Variants in OCA2 observed in about 807,000 individuals in gnomAD.
OCA2 encodes the protein OCA2 melanosomal transmembrane protein.
In OCA2, 77 loss-of-function variants were observed where a neutral mutation model predicts 100.2. The observed-to-expected ratio is 0.77, with a 90% CI of 0.64 to 0.93. The LOEUF (loss-of-function observed/expected upper bound fraction) is 0.93, where lower values mean the gene tolerates loss of function less well. Ranked by LOEUF, OCA2 falls within the 40% of genes least tolerant of loss-of-function variation. The pLI, the probability that OCA2 is intolerant of heterozygous loss-of-function variation, is 0.00. For missense variants in OCA2, 1,062 were observed against 1,089.1 expected (o/e 0.98, Z 0.35); for synonymous variants, 432 against 439.2 (o/e 0.98, Z 0.21).
chr15:28,079,293 A>G (rs1330777665), intron 2 of OCA2, among the ~76,000 whole-genome samples: 1 of 128,688 alleles, frequency 7.8e-6, no homozygotes, highest in Non-Finnish European at 1.5e-5. Flanking sequence ...CTCTGATAAG[A>G]TTACTGTTTT....
At chr15:28,090,011 A>G (rs971868322) in intron 1 of OCA2, among the ~76,000 whole-genome samples, 1 of 152,260 alleles carries the variant, frequency 6.6e-6, no homozygotes, top group African/African-American at 2.4e-5. Flanking sequence ...AAAAAGATAT[A>G]TCATTCAAGC....
intron 23 of OCA2, among the ~76,000 whole-genome samples, chr15:27,756,077 G>A (rs938899028): frequency 6.6e-6 from 1 of 152,234 alleles, no homozygotes; most frequent in Non-Finnish European, 1.5e-5. Context: ...CTCATTGTGT[G>A]CCTCCTCCAA....
chr15:27,947,562 C>G (rs930643), intron 18 of OCA2, among the ~76,000 whole-genome samples: 15,772 of 152,276 alleles, frequency 0.1, 1,140 homozygotes, highest in African/African-American at 0.19. Context: ...GCCCTGGAGC[C>G]CATGCCCCTG....
chr15:28,018,298 G>A lies in OCA2; in HGVS notation c.807+99C>T, dbSNP rs1056213536. ...TGAATTGACTAAGAATGGTGTCCTC[G>A]CCTGTGGCTCCCCATCAAATCCATT... On this transcript the variant is annotated intron_variant, in intron 7 of 23. Transcript: ENST00000354638. 9 of 1,148,330 alleles carry A rather than the reference G, an allele frequency of 7.8e-6. No homozygotes were observed. In the East Asian group the frequency reaches 1.4e-4, roughly 18 times the overall value. The allele number at this position is 1,148,330 out of a possible 1,614,324, so 71.1% of individuals were successfully genotyped here.
chr15:27,784,113 C>T (rs775120611), intron 23 of OCA2, among the ~76,000 whole-genome samples: 3 of 152,152 alleles, frequency 2.0e-5, no homozygotes, highest in African/African-American at 2.4e-5. Context: ...AAGTGTCCAG[C>T]GACAAGTAAC....
intron 2 of OCA2, among the ~76,000 whole-genome samples, chr15:28,067,516 AT>A (rs1263613887): frequency 6.6e-6 from 1 of 152,048 alleles, no homozygotes; most frequent in Non-Finnish European, 1.5e-5. Flanking sequence ...TATCTCAGAG[AT>A]TTTTGAAGAT....
At chr15:27,849,311 G>C (rs1019403010) in intron 22 of OCA2, among the ~76,000 whole-genome samples, 1 of 152,204 alleles carries the variant, frequency 6.6e-6, no homozygotes, top group Non-Finnish European at 1.5e-5. Context: ...ACAGCCTCTA[G>C]ATAACTGCAG....
At chr15:27,995,333 G>C (rs1456269976) in intron 9 of OCA2, among the ~76,000 whole-genome samples, 4 of 152,120 alleles carry the variant, frequency 2.6e-5, no homozygotes, top group Admixed American at 2.0e-4. Flanking sequence ...ACACAAAAAA[G>C]TCTTCAGGAT....
intron 23 of OCA2, among the ~76,000 whole-genome samples, chr15:27,818,505 CAA>C (rs35235647): frequency 3.3e-5 from 5 of 152,136 alleles, no homozygotes; most frequent in Admixed American, 6.5e-5. Context: ...ATGAATGCCA[CAA>C]AAGAGTTGTC....
chr15:27,896,857 C>A (rs994731039), intron 19 of OCA2, among the ~76,000 whole-genome samples: 1 of 152,018 alleles, frequency 6.6e-6, no homozygotes, highest in Non-Finnish European at 1.5e-5. Flanking sequence ...AATGTTAATT[C>A]CCAAGACAAT....
chr15:27,844,805 A>G (rs2035472161), intron 23 of OCA2, among the ~76,000 whole-genome samples, 154 bp downstream of exon 23: 1 of 152,012 alleles, frequency 6.6e-6, no homozygotes, highest in Admixed American at 6.6e-5. Flanking sequence ...ATAAATTTTT[A>G]ATGTGTTTTT....
At chr15:27,956,001 A>T (rs1304217344) in intron 16 of OCA2, among the ~76,000 whole-genome samples, 1 of 152,216 alleles carries the variant, frequency 6.6e-6, no homozygotes, top group Non-Finnish European at 1.5e-5. Flanking sequence ...GTAAGAAATC[A>T]CAGCAGACAC....
chr15:28,062,899 C>A (rs1416986578), intron 2 of OCA2, among the ~76,000 whole-genome samples: 1 of 152,140 alleles, frequency 6.6e-6, no homozygotes, highest in East Asian at 1.9e-4. Context: ...TCTTGATCCT[C>A]TTTCATTAAT....
At chr15:27,921,587 C>G (rs1286601268) in intron 19 of OCA2, among the ~76,000 whole-genome samples, 1 of 152,174 alleles carries the variant, frequency 6.6e-6, no homozygotes, top group East Asian at 1.9e-4. Context: ...GCACCAGCCC[C>G]CTACAAAGTC....
intron 14 of OCA2, among the ~76,000 whole-genome samples, chr15:27,975,085 A>G (rs899617904): frequency 5.9e-5 from 9 of 152,238 alleles, no homozygotes; most frequent in African/African-American, 1.9e-4. Flanking sequence ...AAACACAGCC[A>G]GTGTCTGTCT....
intron 2 of OCA2, among the ~76,000 whole-genome samples, chr15:28,075,555 G>A (rs2044403858): frequency 1.3e-5 from 2 of 152,156 alleles, no homozygotes; most frequent in African/African-American, 4.8e-5. Flanking sequence ...AAATAACTCA[G>A]CAATCTCATT....
intron 18 of OCA2, among the ~76,000 whole-genome samples, chr15:27,941,222 TG>T (rs1165626287): frequency 6.6e-6 from 1 of 152,204 alleles, no homozygotes; most frequent in Non-Finnish European, 1.5e-5. Context: ...ATGAAAAAAT[TG>T]TAAGTAGTAA....
intron 23 of OCA2, among the ~76,000 whole-genome samples, chr15:27,823,370 C>T (rs1056548880): frequency 4.0e-5 from 6 of 150,032 alleles, no homozygotes; most frequent in African/African-American, 7.3e-5. Context: ...AGATAGGTCA[C>T]GGATTTGTAT....
chr15:27,836,026 G>A (rs1283844043), intron 23 of OCA2, among the ~76,000 whole-genome samples: 1 of 152,108 alleles, frequency 6.6e-6, no homozygotes, highest in African/African-American at 2.4e-5. Flanking sequence ...TACGGCTCTC[G>A]TGGCTCTCTC....
Sources: allele counts gnomAD v4.1 joint callset (sites outside exome capture counted in the v4.1 genomes callset), GRCh38; gene constraint gnomAD v4.1.1; transcripts MANE v1.5; gene names NCBI Gene and HGNC (gene_info 2026-07-23, HGNC 2026-07-21).